BPHL: variants seen among roughly 807,000 people sequenced by gnomAD.
BPHL encodes serine hydrolase BPHL.
In BPHL, 27 loss-of-function variants were observed where a neutral mutation model predicts 31.2. The ratio of observed to expected loss-of-function variants is 0.87; its 90% CI spans 0.64 to 1.19. The LOEUF (loss-of-function observed/expected upper bound fraction) is 1.19. Among genes scored for constraint, BPHL ranks in the 50% most tolerant of loss-of-function variants. BPHL has a pLI of 0.00. For synonymous variants in BPHL, 150 were observed against 146.8 expected (o/e 1.02, Z -0.16); for missense variants, 356 against 375.7 (o/e 0.95, Z 0.43).
intron 4 of BPHL, among the ~76,000 whole-genome samples, chr6:3,134,894 G>A (rs928269299): frequency 5.3e-5 from 8 of 151,866 alleles, no homozygotes; most frequent in Non-Finnish European, 7.4e-5. Flanking sequence ...GAACCACCGC[G>A]CCTGGCCAAT....
At chr6:3,119,663 C>G in intron 1 of BPHL, 1 of 1,096,286 alleles carries the variant, frequency 9.1e-7, no homozygotes, top group Non-Finnish European at 1.3e-6. Context: ...TACACACATG[C>G]AAACACACGT....
intron 5 of BPHL, chr6:3,139,622 C>G (rs181405355): frequency 3.9e-5 from 6 of 152,344 alleles, no homozygotes; most frequent in African/African-American, 1.4e-4. Context: ...TTGACACACA[C>G]GGAGAGGGAA....
intron 6 of BPHL, among the ~76,000 whole-genome samples, chr6:3,145,239 T>TC (rs1231098442): frequency 2.2e-5 from 1 of 45,470 alleles, no homozygotes; most frequent in African/African-American, 1.2e-4. Flanking sequence ...CTGGTTCGGG[T>TC]GGAGTGCTGG....
intron 6 of BPHL, among the ~76,000 whole-genome samples, chr6:3,143,940 G>A (rs954361302): frequency 1.3e-5 from 2 of 152,234 alleles, no homozygotes; most frequent in African/African-American, 4.8e-5. Context: ...GCCTTTGCCT[G>A]CCTGGGTGTG....
In BPHL at chr6:3,152,483, T is replaced by C. The variant is rs1439451431; in HGVS notation, c.789-5T>C. 2.5e-6 allele frequency: 4 copies of C among 1,612,646 alleles called. No homozygotes were observed. In the African/African-American group the frequency reaches 5.3e-5, roughly 22 times the overall value. Reference sequence around the variant, plus strand: ...GACCCAAAGTATTTTTAATTCCTTTTTTAGGCTGCATTTGATGCCAGAAGG... The same window carrying C: ...GACCCAAAGTATTTTTAATTCCTTTCTTAGGCTGCATTTGATGCCAGAAGG... On this transcript the variant is annotated splice_region_variant and splice_polypyrimidine_tract_variant and intron_variant, in intron 6 of 6. Coordinates refer to ENST00000380379, the MANE Select transcript of BPHL (RefSeq NM_004332.4).
intron 5 of BPHL, chr6:3,139,373 C>CA (rs1762104605): frequency 6.6e-6 from 1 of 152,316 alleles, no homozygotes; most frequent in African/African-American, 2.4e-5. Context: ...AGCACTCAGG[C>CA]ATGTTGACTT....
At chr6:3,128,982 T>C in intron 3 of BPHL, 63 bp from the exon 4 acceptor site, 1 of 1,605,686 alleles carries the variant, frequency 6.2e-7, no homozygotes, top group Non-Finnish European at 8.5e-7. Context: ...TAATTAGTGA[T>C]TCAGTTTCTT....
chr6:3,137,865 A>G (rs962300146), intron 5 of BPHL, among the ~76,000 whole-genome samples: 7 of 152,244 alleles, frequency 4.6e-5, no homozygotes, highest in African/African-American at 1.7e-4. Context: ...AATGTGTACA[A>G]TATTTTTTCC....
At chr6:3,124,979 T>A (rs1248747216) in intron 2 of BPHL, among the ~76,000 whole-genome samples, 1 of 152,164 alleles carries the variant, frequency 6.6e-6, no homozygotes, top group Admixed American at 6.5e-5. Context: ...TGTAAAAACA[T>A]TGCCTATCTT....
chr6:3,150,465 A>G (rs530608202), intron 6 of BPHL, among the ~76,000 whole-genome samples: 1 of 152,320 alleles, frequency 6.6e-6, no homozygotes, highest in East Asian at 1.9e-4. Flanking sequence ...GACTATCTGG[A>G]ACCATGTCTC....
chr6:3,127,068 C>A, intron 2 of BPHL, 174 bp from the exon 3 acceptor site: 1 of 429,466 alleles, frequency 2.3e-6, no homozygotes. Context: ...GTCAGCCTGC[C>A]TCCTTTCTTC....
At chr6:3,137,249 G>C in intron 4 of BPHL, 113 bp from the exon 5 acceptor site, 2 of 1,365,006 alleles carry the variant, frequency 1.5e-6, no homozygotes, top group South Asian at 2.7e-5. Flanking sequence ...AGGCATTCCA[G>C]GCAGACGAGA....
intron 6 of BPHL, among the ~76,000 whole-genome samples, chr6:3,146,021 TCCGAGTGCTGGTTCGGG>T (rs1561800673): frequency 1.3e-3 from 22 of 17,078 alleles, no homozygotes; most frequent in African/African-American, 3.0e-3. Context: ...CTGGTTCGGG[TCCGAGTGCTGGTTCGGG>T]TGGAGTGCTG....
At position 3,127,426 on chromosome 6, in the gene BPHL, G is replaced by A. The variant is rs765947442; in HGVS notation, c.378+18G>A. ...TGATGAAGGTAGGTCTCTGAGGGAAGGGCCAGGGGAGGAAGGGTGGCTGGG... is the reference window on the plus strand; with the variant it reads ...TGATGAAGGTAGGTCTCTGAGGGAAAGGCCAGGGGAGGAAGGGTGGCTGGG... On this transcript the variant is annotated intron_variant, in intron 3 of 6. Coordinates refer to ENST00000380379, the MANE Select transcript of BPHL (RefSeq NM_004332.4). The A allele has an allele frequency of 7.8e-6, 12 of 1,537,240 alleles. No homozygotes were observed. Among genetic ancestry groups the A allele is most frequent in the Non-Finnish European group, 9.7e-6 (11 of 1,133,888 alleles).
chr6:3,137,482 ATC>A lies in BPHL; in HGVS notation c.656_657del (p.Leu219ProfsTer4), dbSNP rs752235195. On this transcript the variant is annotated frameshift_variant, in exon 5 of 7. Transcript: ENST00000380379. LOFTEE classifies it high-confidence loss of function. ...GTGGATGGCATAAGACAGTTTAAAC[ATC>A]TCCCAGATGGTAGGTTACTGGGCTT... 1 of 1,613,732 alleles carries A rather than the reference ATC, an allele frequency of 6.2e-7. No homozygotes were observed. The highest frequency in any genetic ancestry group is 1.1e-5 in the South Asian group (1 of 91,032).
In BPHL at chr6:3,125,855, A is replaced by G. The variant is rs180753082; in HGVS notation, c.212-1387A>G. On this transcript the variant is annotated intron_variant, in intron 2 of 6. Transcript: ENST00000380379. ...ATGATCCTGCACCACCTTGAAAGAC[A>G]TTTTCTAATATGGTTTGTCAGGCAA... 2.4e-3 allele frequency among the ~76,000 whole-genome samples: 371 copies of G among 152,326 alleles called. 2 individuals carry two copies. Among genetic ancestry groups the G allele is most frequent in the African/African-American group, 8.5e-3 (355 of 41,576 alleles).
At chr6:3,147,638 G>A (rs1052627015) in intron 6 of BPHL, among the ~76,000 whole-genome samples, 2 of 152,042 alleles carry the variant, frequency 1.3e-5, no homozygotes, top group African/African-American at 2.4e-5. Context: ...CCAACAAGAC[G>A]TATATGTGTG....
chr6:3,128,612 A>G (rs111347626), intron 3 of BPHL, among the ~76,000 whole-genome samples: 1 of 152,274 alleles, frequency 6.6e-6, no homozygotes, highest in African/African-American at 2.4e-5. Flanking sequence ...CAGTTGCTTT[A>G]CCAGATACCC....
intron 6 of BPHL, among the ~76,000 whole-genome samples, chr6:3,151,536 C>T (rs938850940): frequency 1.3e-5 from 2 of 152,122 alleles, no homozygotes; most frequent in Non-Finnish European, 2.9e-5. Flanking sequence ...GTTCCTCCCT[C>T]GCACCTACTG....
Sources: allele counts gnomAD v4.1 joint callset (sites outside exome capture counted in the v4.1 genomes callset), GRCh38; gene constraint gnomAD v4.1.1; transcripts MANE v1.5; gene names NCBI Gene and HGNC (gene_info 2026-07-23, HGNC 2026-07-21).